ITSN1: variants seen among roughly 807,000 people sequenced by gnomAD.
The protein encoded by ITSN1 is intersectin 1.
In ITSN1, 58 loss-of-function variants were observed where a neutral mutation model predicts 239.8. The ratio of observed to expected loss-of-function variants is 0.24; its 90% confidence interval spans 0.20 to 0.30. ITSN1 has a LOEUF of 0.30. ITSN1 is among the 10% of genes least tolerant of loss of function. The pLI, the probability that ITSN1 is intolerant of heterozygous loss-of-function variation, is 1.00. For synonymous variants in ITSN1, 780 were observed against 770.8 expected, an observed-to-expected ratio of 1.01 and a Z score of -0.20; for missense variants, 1,558 against 2,103.3, an observed-to-expected ratio of 0.74 and a Z score of 5.07.
rs193068256 is a variant in ITSN1 at position 33,890,905 on chromosome 21, C to T, written c.*2605C>T. ...CCTCTGCTCTGAGCCACACTGCTAGCTTCTCCTGCACACTCTGATCTCCTT... is the reference window on the plus strand; with the variant it reads ...CCTCTGCTCTGAGCCACACTGCTAGTTTCTCCTGCACACTCTGATCTCCTT... On this transcript the variant is annotated 3_prime_UTR_variant, in exon 40 of 40. Coordinates refer to ENST00000381318, the MANE Select transcript of ITSN1 (RefSeq NM_003024.3). 6.5e-6 allele frequency: 1 copy of T among 152,848 alleles called. No homozygotes were observed. The highest frequency in any genetic ancestry group is 1.9e-4 in the East Asian group (1 of 5,194). The allele number at this position is 152,848 out of a possible 1,614,324, so 9.5% of individuals were successfully genotyped here. A position where few individuals can be genotyped will look rare whatever the true frequency, so the allele number is the denominator to read the frequency against.
intron 29 of ITSN1, among the ~76,000 whole-genome samples, chr21:33,843,778 T>C (rs1273750850): frequency 6.6e-6 from 1 of 152,228 alleles, no homozygotes; most frequent in Admixed American, 6.5e-5. Flanking sequence ...GCTCTGCTAC[T>C]TACTAGTGGT....
intron 22 of ITSN1, among the ~76,000 whole-genome samples, chr21:33,816,929 A>G (rs2073314360): frequency 6.6e-6 from 1 of 152,196 alleles, no homozygotes; most frequent in African/African-American, 2.4e-5. Context: ...TAAGAAGGCA[A>G]GAACCCATGA....
intron 1 of ITSN1, among the ~76,000 whole-genome samples, chr21:33,660,686 G>T (rs533673181): frequency 6.6e-6 from 1 of 152,308 alleles, no homozygotes; most frequent in African/African-American, 2.4e-5. Flanking sequence ...GAGTCTTTTA[G>T]TGGCATTTCC....
chr21:33,686,806 A>T (rs1163558289), intron 1 of ITSN1, among the ~76,000 whole-genome samples: 1 of 152,222 alleles, frequency 6.6e-6, no homozygotes, highest in Non-Finnish European at 1.5e-5. Context: ...AGAATTATAG[A>T]ATGAATGTGT....
At chr21:33,859,300 A>G (rs1602620587) in intron 31 of ITSN1, among the ~76,000 whole-genome samples, 1 of 152,190 alleles carries the variant, frequency 6.6e-6, no homozygotes, top group Admixed American at 6.5e-5. Context: ...TTTAGTTTGC[A>G]GAGGCAGCTC....
At position 33,867,240 on chromosome 21, in the gene ITSN1, C is replaced by T; in HGVS notation, c.4082C>T (p.Ala1361Val). ...PDFKEFVKRL[A>V]MDPRCKGMPL... ...AAAAACATCTCATTTCAGAGATTGG[C>T]AATGGATCCTCGGTGTAAAGGGATG... Residue 1361 changes from alanine (A) to valine (V), a missense_variant, in exon 33 of 40, where the codon GCA becomes GTA. By Grantham distance (64) the Ala-to-Val change is moderately conservative. Coordinates refer to ENST00000381318, the MANE Select transcript of ITSN1 (RefSeq NM_003024.3). 6.2e-7 allele frequency: 1 copy of T among 1,601,482 alleles called. No individual in the cohort carries two copies. The highest frequency in any genetic ancestry group is 8.6e-7 in the Non-Finnish European group (1 of 1,168,648).
chr21:33,824,633 G>A (rs1473740296), intron 25 of ITSN1, among the ~76,000 whole-genome samples: 3 of 152,092 alleles, frequency 2.0e-5, no homozygotes, highest in Non-Finnish European at 2.9e-5. Context: ...TTACATGTGC[G>A]GCTCCGTGTA....
intron 20 of ITSN1, among the ~76,000 whole-genome samples, 196 bp downstream of exon 20, chr21:33,802,640 C>CTT (rs2072095464): frequency 6.6e-6 from 1 of 152,064 alleles, no homozygotes; most frequent in Non-Finnish European, 1.5e-5. Flanking sequence ...TACTGGGTTT[C>CTT]TTTTTGTTAG....
At chr21:33,780,047 G>T (rs2070026095) in intron 14 of ITSN1, among the ~76,000 whole-genome samples, 1 of 152,094 alleles carries the variant, frequency 6.6e-6, no homozygotes, top group Admixed American at 6.6e-5. Flanking sequence ...GGCCAGCCTG[G>T]TCTCAAACTC....
At chr21:33,705,944 C>T (rs1480799080) in intron 1 of ITSN1, among the ~76,000 whole-genome samples, 1 of 152,002 alleles carries the variant, frequency 6.6e-6, no homozygotes, top group Non-Finnish European at 1.5e-5. Flanking sequence ...ATATTGGAGC[C>T]CTTTATAACT....
intron 1 of ITSN1, among the ~76,000 whole-genome samples, chr21:33,651,048 A>G (rs1180658125): frequency 1.3e-5 from 2 of 152,268 alleles, no homozygotes; most frequent in Non-Finnish European, 1.5e-5. Context: ...CCAGGGGGCT[A>G]GCCCCAGGCC....
chr21:33,712,552 C>T (rs1256187188), intron 1 of ITSN1, among the ~76,000 whole-genome samples: 1 of 152,180 alleles, frequency 6.6e-6, no homozygotes, highest in Admixed American at 6.5e-5. Flanking sequence ...TCTTTCCTCT[C>T]TGGTTTTCCC....
At chr21:33,667,378 G>T (rs534680439) in intron 1 of ITSN1, among the ~76,000 whole-genome samples, 1 of 152,014 alleles carries the variant, frequency 6.6e-6, no homozygotes, top group Non-Finnish European at 1.5e-5. Flanking sequence ...GGTAAAAAAT[G>T]TATGTGCCAA....
chr21:33,810,724 C>T (rs2072841425), intron 20 of ITSN1, among the ~76,000 whole-genome samples: 1 of 152,084 alleles, frequency 6.6e-6, no homozygotes. Flanking sequence ...GTCTCAACTG[C>T]CATTATTAGG....
intron 18 of ITSN1, among the ~76,000 whole-genome samples, chr21:33,798,416 T>G (rs747370408): frequency 1.3e-4 from 20 of 151,784 alleles, no homozygotes; most frequent in Non-Finnish European, 2.6e-4. Flanking sequence ...GCCTTTTTTT[T>G]TTAAAAAAGG....
At chr21:33,876,991 A>G (rs1984027406) in intron 34 of ITSN1, among the ~76,000 whole-genome samples, 1 of 149,414 alleles carries the variant, frequency 6.7e-6, no homozygotes, top group Admixed American at 6.6e-5. Context: ...TAAACTTACT[A>G]CCTTGTTTCT....
intron 25 of ITSN1, among the ~76,000 whole-genome samples, chr21:33,824,646 C>T (rs564936279): frequency 2.0e-5 from 3 of 152,168 alleles, no homozygotes; most frequent in African/African-American, 4.8e-5. Flanking sequence ...TCCGTGTACT[C>T]GGAGCTGCTC....
intron 29 of ITSN1, among the ~76,000 whole-genome samples, chr21:33,844,488 C>T (rs2074925168): frequency 6.6e-6 from 1 of 152,172 alleles, no homozygotes; most frequent in African/African-American, 2.4e-5. Flanking sequence ...AAGAATGGAA[C>T]GTTCAGCCCC....
chr21:33,819,215 A>G, intron 23 of ITSN1, 26 bp from the exon 24 acceptor site: 2 of 1,553,850 alleles, frequency 1.3e-6, no homozygotes, highest in Admixed American at 1.8e-5. Context: ...TAAAAATTAA[A>G]ATACTCTCTT....
Sources: gnomAD v4.1 joint callset for allele counts (sites outside exome capture counted in the v4.1 genomes callset) on GRCh38, gnomAD v4.1.1 for gene constraint, MANE v1.5 for transcripts, NCBI Gene and HGNC (gene_info 2026-07-23, HGNC 2026-07-21) for gene names.